Variants in STXBP5L observed in about 807,000 individuals in gnomAD.
STXBP5L encodes the protein syntaxin-binding protein 5-like.
Under a neutral mutation model 144.5 loss-of-function variants are expected in STXBP5L, and 65 were observed. That is an observed-to-expected ratio of 0.45 (90% confidence interval 0.37 to 0.55). The LOEUF (loss-of-function observed/expected upper bound fraction) is 0.55. Ranked by LOEUF, STXBP5L falls within the 20% of genes least tolerant of loss-of-function variation. STXBP5L has a pLI of 0.00. For missense variants in STXBP5L, 1,298 were observed against 1,405.5 expected, an observed-to-expected ratio of 0.92 and a Z score of 1.22; for synonymous variants, 505 against 469.6, an observed-to-expected ratio of 1.08 and a Z score of -0.97.
chr3:121,001,347 C>T (rs748567995), intron 3 of STXBP5L, among the ~76,000 whole-genome samples: 1 of 152,184 alleles, frequency 6.6e-6, no homozygotes, highest in Non-Finnish European at 1.5e-5. Context: ...CAGAGATCCT[C>T]GGGAATTCTT....
At chr3:120,919,918 C>G (rs1197692065) in intron 2 of STXBP5L, among the ~76,000 whole-genome samples, 2 of 151,606 alleles carry the variant, frequency 1.3e-5, no homozygotes, top group Non-Finnish European at 3.0e-5. Context: ...TGCTCCCTGT[C>G]TCTTTCTTTC....
At chr3:121,318,339 T>A (rs1189437452) in intron 19 of STXBP5L, 136 bp from the exon 20 acceptor site, 3 of 446,974 alleles carry the variant, frequency 6.7e-6, no homozygotes, top group African/African-American at 6.2e-5. Context: ...AAATTCAGAA[T>A]AATTGACGTA....
chr3:120,997,975 C>T (rs972245391), intron 3 of STXBP5L, among the ~76,000 whole-genome samples: 1 of 152,128 alleles, frequency 6.6e-6, no homozygotes, highest in African/African-American at 2.4e-5. Flanking sequence ...GAGCTAAAGA[C>T]AAAAACCACA....
intron 3 of STXBP5L, among the ~76,000 whole-genome samples, chr3:121,035,850 A>T (rs1378267288): frequency 6.6e-6 from 1 of 152,164 alleles, no homozygotes; most frequent in Non-Finnish European, 1.5e-5. Context: ...CATCTTAACA[A>T]TATTGAGTCT....
chr3:120,994,991 G>T (rs1943225023), intron 3 of STXBP5L, among the ~76,000 whole-genome samples: 1 of 151,598 alleles, frequency 6.6e-6, no homozygotes, highest in African/African-American at 2.4e-5. Flanking sequence ...TTTTTTCCAG[G>T]TTCAATTTTG....
At chr3:121,047,748 G>A (rs1947622977) in intron 5 of STXBP5L, among the ~76,000 whole-genome samples, 1 of 152,066 alleles carries the variant, frequency 6.6e-6, no homozygotes, top group South Asian at 2.1e-4. Context: ...GTCATTACAT[G>A]TGAGATGGGT....
At chr3:121,041,060 CTT>C (rs139992204) in intron 3 of STXBP5L, among the ~76,000 whole-genome samples, 1 of 148,068 alleles carries the variant, frequency 6.8e-6, no homozygotes, top group Admixed American at 6.8e-5. Context: ...TTTTCTCATT[CTT>C]TTTTTTTTAC....
At chr3:121,393,216 T>C (rs992333551) in intron 22 of STXBP5L, among the ~76,000 whole-genome samples, 1 of 151,228 alleles carries the variant, frequency 6.6e-6, no homozygotes, top group African/African-American at 2.4e-5. Context: ...TTCTTGGCCA[T>C]TTGTATGTGT....
intron 24 of STXBP5L, among the ~76,000 whole-genome samples, chr3:121,413,608 T>G (rs1034481661): frequency 6.6e-6 from 1 of 152,142 alleles, no homozygotes; most frequent in Non-Finnish European, 1.5e-5. Context: ...TATAAAAGAT[T>G]ATAAACTCTC....
chr3:121,097,921 A>C (rs2043212783), intron 5 of STXBP5L, among the ~76,000 whole-genome samples: 2 of 152,170 alleles, frequency 1.3e-5, no homozygotes, highest in Non-Finnish European at 2.9e-5. Flanking sequence ...GAGGGGTTAT[A>C]CTGTTGGTTT....
intron 3 of STXBP5L, among the ~76,000 whole-genome samples, chr3:121,006,831 A>C (rs1296581039): frequency 6.6e-6 from 1 of 152,112 alleles, no homozygotes; most frequent in African/African-American, 2.4e-5. Context: ...CTGTATATGA[A>C]ATTCTGGGTT....
chr3:121,240,528 A>C (rs374493116), intron 14 of STXBP5L, 21 bp downstream of exon 14: 6 of 1,607,422 alleles, frequency 3.7e-6, no homozygotes, highest in Non-Finnish European at 4.3e-6. Flanking sequence ...GTGTTTTGTG[A>C]GTTATTAGTT....
chr3:121,356,285 G>A (rs910659903), intron 20 of STXBP5L, among the ~76,000 whole-genome samples: 1 of 152,228 alleles, frequency 6.6e-6, no homozygotes, highest in Non-Finnish European at 1.5e-5. Context: ...GTTCAGCTAA[G>A]CCCTGCCCAC....
chr3:121,091,786 C>T (rs931308543), intron 5 of STXBP5L, among the ~76,000 whole-genome samples: 1 of 152,110 alleles, frequency 6.6e-6, no homozygotes, highest in African/African-American at 2.4e-5. Flanking sequence ...TTAATTAGAT[C>T]CCATTTGTCA....
intron 19 of STXBP5L, among the ~76,000 whole-genome samples, chr3:121,291,017 T>G (rs1434851517): frequency 6.6e-6 from 1 of 152,070 alleles, no homozygotes; most frequent in Non-Finnish European, 1.5e-5. Context: ...TTTCACCACT[T>G]CTAGTCAACA....
intron 9 of STXBP5L, among the ~76,000 whole-genome samples, chr3:121,172,864 T>C (rs2046781441): frequency 6.6e-6 from 1 of 152,184 alleles, no homozygotes; most frequent in Non-Finnish European, 1.5e-5. Flanking sequence ...CATTCTACTA[T>C]AAAGACACAT....
chr3:121,236,169 T>C lies in STXBP5L; in HGVS notation c.1184+2481T>C, dbSNP rs1007361105. Among the ~76,000 whole-genome samples, 5 of 152,196 alleles carry C rather than the reference T, an allele frequency of 3.3e-5. No individual in the cohort carries two copies. The East Asian group carries it at 7.7e-4, about 23-fold the overall frequency. On this transcript the variant is annotated intron_variant, in intron 12 of 26. Coordinates refer to ENST00000471454, the MANE Select transcript of STXBP5L (RefSeq NM_001308330.2). ...AAGTTATTACATCCATAAGTCTTTATTCCAACTATGTTCTCTAGTTTACAT... is the reference window on the plus strand; with the variant it reads ...AAGTTATTACATCCATAAGTCTTTACTCCAACTATGTTCTCTAGTTTACAT...
At chr3:121,096,865 CAA>C (rs1393244966) in intron 5 of STXBP5L, among the ~76,000 whole-genome samples, 1 of 152,130 alleles carries the variant, frequency 6.6e-6, no homozygotes, top group Non-Finnish European at 1.5e-5. Context: ...TAGTATAGCT[CAA>C]ACACTCTGCT....
intron 5 of STXBP5L, among the ~76,000 whole-genome samples, chr3:121,083,900 A>G (rs745446414): frequency 6.6e-6 from 1 of 152,020 alleles, no homozygotes; most frequent in Non-Finnish European, 1.5e-5. Flanking sequence ...AGTTGTTATC[A>G]TTTTCAAAGC....
Sources: allele counts gnomAD v4.1 joint callset (sites outside exome capture counted in the v4.1 genomes callset), GRCh38; gene constraint gnomAD v4.1.1; transcripts MANE v1.5; gene names NCBI Gene and HGNC (gene_info 2026-07-23, HGNC 2026-07-21).